Variants in OR5L2 observed in about 807,000 individuals in gnomAD.
OR5L2 encodes the protein olfactory receptor 5L2.
For missense variants in OR5L2, 425 were observed against 365.6 expected (o/e 1.16, Z -1.32); for synonymous variants, 175 against 151.6 (o/e 1.15, Z -1.13).
chr11:55,827,223 G>A lies in OR5L2; in HGVS notation c.5G>A (p.Gly2Asp), dbSNP rs2134473836. 1 of 1,611,374 alleles carries A rather than the reference G, an allele frequency of 6.2e-7. No individual in the cohort carries two copies. Among genetic ancestry groups the A allele is most frequent in the Non-Finnish European group, 8.5e-7 (1 of 1,178,592 alleles). Residue 2 changes from glycine (G) to aspartate (D), a missense_variant, in exon 1 of 1, where the codon GGC becomes GAC. By Grantham distance (94) the Gly-to-Asp change is moderately conservative. Coordinates refer to ENST00000378397, the MANE Select transcript of OR5L2 (RefSeq NM_001004739.1). ...AATCCTGCATAAATTGGAGACATGG[G>A]CAAGGAAAACTGCACCACTGTGGCT... Reference protein sequence around the residue: MGKENCTTVAEF... With the variant: MDKENCTTVAEF...
In OR5L2 at chr11:55,827,728, A is replaced by G. The variant is rs780790032; in HGVS notation, c.510A>G (p.Arg170=). The G allele has an allele frequency of 3.1e-6, 5 of 1,613,696 alleles. No homozygotes were observed. In the South Asian group the frequency reaches 5.5e-5, roughly 18 times the overall value. The change falls in exon 1 of 1, where the codon AGA becomes AGG. Residue 170 remains arginine (R), a synonymous_variant. Coordinates refer to ENST00000378397, the MANE Select transcript of OR5L2 (RefSeq NM_001004739.1). ...SSLALRILFY[R]SNVINHFFCD... ...TAGCTCTTAGGATCCTCTTCTATAGATCTAATGTGATTAACCACTTCTTCT... is the reference window on the plus strand; with the variant it reads ...TAGCTCTTAGGATCCTCTTCTATAGGTCTAATGTGATTAACCACTTCTTCT...
rs777644636 is a variant in OR5L2 at position 55,827,927 on chromosome 11, G to A, written c.709G>A (p.Ala237Thr). 5 of 1,613,824 alleles carry A rather than the reference G, an allele frequency of 3.1e-6. No homozygotes were observed. In the Admixed American group the frequency reaches 5.0e-5, roughly 16 times the overall value. ...KIHSAESRHK[A>T]FSTCASHLTA... ...ACACTCTGCAGAGAGCAGGCACAAA[G>A]CTTTCTCCACCTGTGCCTCCCACCT... The change falls in exon 1 of 1, where the codon GCT becomes ACT. Residue 237 changes from alanine (A) to threonine (T), a missense_variant. Physicochemically the swap from Ala to Thr is moderately conservative, Grantham distance 58 (BLOSUM62 0). Coordinates refer to ENST00000378397, the MANE Select transcript of OR5L2 (RefSeq NM_001004739.1).
At position 55,827,339 on chromosome 11, in the gene OR5L2, G is replaced by C. The variant is rs370908731; in HGVS notation, c.121G>C (p.Ala41Pro). ...FLLIYGVTLL[A>P]NLGMTALIQV... ...TCTCATCTATGGAGTCACGTTGTTA[G>C]CCAATCTGGGCATGACTGCACTGAT... The change falls in exon 1 of 1, where the codon GCC (alanine) becomes CCC (proline). Residue 41 changes from alanine (A) to proline (P), a missense_variant. Transcript: ENST00000378397. 6.2e-7 allele frequency: 1 copy of C among 1,613,800 alleles called. No homozygotes were observed. Among genetic ancestry groups the C allele is most frequent in the African/African-American group, 1.3e-5 (1 of 74,754 alleles).
At position 55,827,677 on chromosome 11, in the gene OR5L2, G is replaced by T. The variant is rs747750167; in HGVS notation, c.459G>T (p.Thr153=). 6.2e-7 allele frequency: 1 copy of T among 1,613,700 alleles called. No individual in the cohort carries two copies. Among genetic ancestry groups the T allele is most frequent in the Admixed American group, 1.7e-5 (1 of 59,990 alleles). ...CCTCTTGCTGCTACTTCTGTGGGAC[G>T]GTGTGTTCTCTGATTCACTCGTCCT... The part of the protein sequence containing the change: ...ELTSCCYFCG[T]VCSLIHSSLA... The change falls in exon 1 of 1, where the codon ACG becomes ACT. Residue 153 remains threonine, a synonymous_variant. Coordinates refer to ENST00000378397, the MANE Select transcript of OR5L2 (RefSeq NM_001004739.1).
Position 55,827,489 on chromosome 11 carries a change from G to A in OR5L2, c.271G>A (p.Ala91Thr). 2 of 1,613,936 alleles carry A rather than the reference G, an allele frequency of 1.2e-6. No individual in the cohort carries two copies. The highest frequency in any genetic ancestry group is 1.3e-5 in the African/African-American group (1 of 74,836). ...MLANIFNKDK[A>T]ISFLGCMVQF... Reference sequence around the variant, plus strand: ...GGCTAATATCTTTAACAAGGACAAAGCCATCTCCTTCCTAGGGTGCATGGT... The same window carrying A: ...GGCTAATATCTTTAACAAGGACAAAACCATCTCCTTCCTAGGGTGCATGGT... Residue 91 changes from alanine (A) to threonine (T), a missense_variant, in exon 1 of 1, where the codon GCC becomes ACC. Physicochemically the swap from Ala to Thr is moderately conservative, Grantham distance 58 (BLOSUM62 0). Transcript: ENST00000378397.
rs1853907752 is a variant in OR5L2 at position 55,827,689 on chromosome 11, G to A, written c.471G>A (p.Leu157=). ...CCYFCGTVCS[L]IHSSLALRIL... Reference sequence around the variant, plus strand: ...ACTTCTGTGGGACGGTGTGTTCTCTGATTCACTCGTCCTTAGCTCTTAGGA... The same window carrying A: ...ACTTCTGTGGGACGGTGTGTTCTCTAATTCACTCGTCCTTAGCTCTTAGGA... Residue 157 remains leucine, a synonymous_variant, in exon 1 of 1, where the codon CTG becomes CTA. Coordinates refer to ENST00000378397, the MANE Select transcript of OR5L2 (RefSeq NM_001004739.1). 6.2e-7 allele frequency: 1 copy of A among 1,613,640 alleles called. No homozygotes were observed. The highest frequency in any genetic ancestry group is 1.7e-5 in the Admixed American group (1 of 59,964).
rs1486805019 is a variant in OR5L2 at position 55,827,722 on chromosome 11, C to T, written c.504C>T (p.Phe168=). Reference sequence around the variant, plus strand: ...CGTCCTTAGCTCTTAGGATCCTCTTCTATAGATCTAATGTGATTAACCACT... The same window carrying T: ...CGTCCTTAGCTCTTAGGATCCTCTTTTATAGATCTAATGTGATTAACCACT... ...IHSSLALRIL[F]YRSNVINHFF... Residue 168 remains phenylalanine (F), a synonymous_variant, in exon 1 of 1, where the codon TTC becomes TTT. Coordinates refer to ENST00000378397, the MANE Select transcript of OR5L2 (RefSeq NM_001004739.1). 1.9e-6 allele frequency: 3 copies of T among 1,613,698 alleles called. No homozygotes were observed. Among genetic ancestry groups the T allele is most frequent in the Non-Finnish European group, 2.5e-6 (3 of 1,180,014 alleles).
At position 55,827,833 on chromosome 11, in the gene OR5L2, G is replaced by T. The variant is rs1156667393; in HGVS notation, c.615G>T (p.Leu205Phe). 7 of 1,613,916 alleles carry T rather than the reference G, an allele frequency of 4.3e-6. No homozygotes were observed. Among genetic ancestry groups the T allele is most frequent in the South Asian group, 1.1e-5 (1 of 91,068 alleles). Residue 205 changes from leucine (L) to phenylalanine (F), a missense_variant, in exon 1 of 1, where the codon TTG becomes TTT. Coordinates refer to ENST00000378397, the MANE Select transcript of OR5L2 (RefSeq NM_001004739.1). ...NETLLFLVAT[L>F]NESVTIMIIL... ...CACTGCTGTTCCTGGTGGCCACTTT[G>T]AATGAGAGTGTTACCATCATGATCA...
Position 55,827,819 on chromosome 11 carries a change from C to T in OR5L2, c.601C>T (p.Leu201=). 1 of 1,613,920 alleles carries T rather than the reference C, an allele frequency of 6.2e-7. No individual in the cohort carries two copies. Among genetic ancestry groups the T allele is most frequent in the Non-Finnish European group, 8.5e-7 (1 of 1,179,988 alleles). ...DVTVNETLLF[L]VATLNESVTI... ...CACTGTGAATGAGACACTGCTGTTC[C>T]TGGTGGCCACTTTGAATGAGAGTGT... is the stretch of plus-strand genomic sequence containing the variant. The change falls in exon 1 of 1, where the codon CTG becomes TTG. Residue 201 remains leucine, a synonymous_variant. Coordinates refer to ENST00000378397, the MANE Select transcript of OR5L2 (RefSeq NM_001004739.1).
In OR5L2 at chr11:55,827,355, C is replaced by T. The variant is rs565006032; in HGVS notation, c.137C>T (p.Thr46Ile). ...ACGTTGTTAGCCAATCTGGGCATGA[C>T]TGCACTGATTCAGGTCAGCTCTCGG... The part of the protein sequence containing the change: ...GVTLLANLGM[T>I]ALIQVSSRLH... The change falls in exon 1 of 1, where the codon ACT (threonine) becomes ATT (isoleucine). Residue 46 changes from threonine to isoleucine, a missense_variant. Coordinates refer to ENST00000378397, the MANE Select transcript of OR5L2 (RefSeq NM_001004739.1). 649 of 1,613,932 alleles carry T rather than the reference C, an allele frequency of 4.0e-4. 7 individuals are homozygous for T. The South Asian group carries it at 5.6e-3, about 14-fold the overall frequency.
At position 55,828,132 on chromosome 11, in the gene OR5L2, TG is replaced by T. The variant is rs759559727; in HGVS notation, c.917del (p.Gly306AlafsTer?). On this transcript the variant is annotated frameshift_variant, in exon 1 of 1. Transcript: ENST00000378397. LOFTEE classifies it low-confidence loss of function (END_TRUNC). ...KDVNKALRKV[M>X]GSKIHS The stretch of plus-strand genomic sequence containing the variant: ...GTGAACAAAGCTCTCAGAAAAGTGA[TG>T]GGCTCCAAAATTCACTCCTAGGGAA... 8 of 1,608,076 alleles carry T rather than the reference TG, an allele frequency of 5.0e-6. No homozygotes were observed. Among genetic ancestry groups the T allele is most frequent in the South Asian group, 1.1e-5 (1 of 89,964 alleles).
In OR5L2 at chr11:55,827,959, C is replaced by T; in HGVS notation, c.741C>T (p.Ala247=). The T allele has an allele frequency of 1.2e-6, 2 of 1,613,836 alleles. No individual in the cohort carries two copies. Among genetic ancestry groups the T allele is most frequent in the Middle Eastern group, 1.7e-4 (1 of 6,060 alleles). The change falls in exon 1 of 1, where the codon GCC becomes GCT. Residue 247 remains alanine, a synonymous_variant. Coordinates refer to ENST00000378397, the MANE Select transcript of OR5L2 (RefSeq NM_001004739.1). ...CCACCTGTGCCTCCCACCTCACAGC[C>T]ATCACTGTCTCCCATGGAACAATCC... ...AFSTCASHLT[A]ITVSHGTILY...
In OR5L2 at chr11:55,827,730, C is replaced by G. The variant is rs1853908426; in HGVS notation, c.512C>G (p.Ser171Cys). Residue 171 changes from serine (S) to cysteine (C), a missense_variant, in exon 1 of 1, where the codon TCT becomes TGT. Physicochemically the swap from Ser to Cys is moderately radical, Grantham distance 112 (BLOSUM62 -1). Coordinates refer to ENST00000378397, the MANE Select transcript of OR5L2 (RefSeq NM_001004739.1). The part of the protein sequence containing the change: ...SLALRILFYR[S>C]NVINHFFCDL... ...GCTCTTAGGATCCTCTTCTATAGAT[C>G]TAATGTGATTAACCACTTCTTCTGT... The G allele has an allele frequency of 6.2e-7, 1 of 1,613,840 alleles. No homozygotes were observed. Among genetic ancestry groups the G allele is most frequent in the Non-Finnish European group, 8.5e-7 (1 of 1,179,974 alleles).
chr11:55,827,416 G>T lies in OR5L2; in HGVS notation c.198G>T (p.Leu66Phe), dbSNP rs548957440. 1.2e-6 allele frequency: 2 copies of T among 1,613,986 alleles called. No individual in the cohort carries two copies. The highest frequency in any genetic ancestry group is 1.7e-6 in the Non-Finnish European group (2 of 1,179,996). The change falls in exon 1 of 1, where the codon TTG becomes TTT. Residue 66 changes from leucine (L) to phenylalanine (F), a missense_variant. Physicochemically the swap from Leu to Phe is conservative, Grantham distance 22. Coordinates refer to ENST00000378397, the MANE Select transcript of OR5L2 (RefSeq NM_001004739.1). ...HTPVYFFLSH[L>F]SFVDFCYSSI... ...CCGTGTACTTTTTCCTCAGCCACTT[G>T]TCCTTTGTAGATTTCTGCTACTCCT...
In OR5L2 at chr11:55,827,695, C is replaced by G. The variant is rs1269835068; in HGVS notation, c.477C>G (p.His159Gln). The G allele has an allele frequency of 6.2e-7, 1 of 1,613,786 alleles. No individual in the cohort carries two copies. Among genetic ancestry groups the G allele is most frequent in the Admixed American group, 1.7e-5 (1 of 59,992 alleles). Residue 159 changes from histidine to glutamine, a missense_variant, in exon 1 of 1, where the codon CAC (histidine) becomes CAG (glutamine). By Grantham distance (24) the His-to-Gln change is conservative. Transcript: ENST00000378397. Reference protein sequence around the residue: ...YFCGTVCSLIHSSLALRILFY... With the variant: ...YFCGTVCSLIQSSLALRILFY... ...GTGGGACGGTGTGTTCTCTGATTCA[C>G]TCGTCCTTAGCTCTTAGGATCCTCT...
chr11:55,828,142 A>G lies in OR5L2; in HGVS notation c.924A>G (p.Lys308=), dbSNP rs759142207. ...CTCTCAGAAAAGTGATGGGCTCCAA[A>G]ATTCACTCCTAGGGAAGATTTTATT... is the stretch of plus-strand genomic sequence containing the variant. ...NKALRKVMGS[K]IHS The change falls in exon 1 of 1, where the codon AAA becomes AAG. Residue 308 remains lysine, a synonymous_variant. Coordinates refer to ENST00000378397, the MANE Select transcript of OR5L2 (RefSeq NM_001004739.1). 1 of 1,603,296 alleles carries G rather than the reference A, an allele frequency of 6.2e-7. No individual in the cohort carries two copies.
rs1488732077 is a variant in OR5L2, at chr11:55,827,254, C to G, written c.36C>G (p.Phe12Leu). The G allele has an allele frequency of 6.2e-7, 1 of 1,613,726 alleles. No individual in the cohort carries two copies. The change falls in exon 1 of 1, where the codon TTC (phenylalanine) becomes TTG (leucine). Residue 12 changes from phenylalanine (F) to leucine (L), a missense_variant. Physicochemically the swap from Phe to Leu is conservative, Grantham distance 22 (BLOSUM62 0). Transcript: ENST00000378397. ...GKENCTTVAE[F>L]ILLGLSDVPE... ...AAAACTGCACCACTGTGGCTGAGTT[C>G]ATTCTCCTTGGACTATCAGATGTCC...
chr11:55,827,393 G>A lies in OR5L2; in HGVS notation c.175G>A (p.Val59Met), dbSNP rs56711116. 137,326 of 1,613,638 alleles carry A rather than the reference G, an allele frequency of 0.085. 6,463 individuals carry two copies. Among genetic ancestry groups the A allele is most frequent in the African/African-American group, 0.17 (12,573 of 74,792 alleles). ...IQVSSRLHTP[V>M]YFFLSHLSFV... ...GGTCAGCTCTCGGCTCCACACCCCC[G>A]TGTACTTTTTCCTCAGCCACTTGTC... The change falls in exon 1 of 1, where the codon GTG becomes ATG. Residue 59 changes from valine to methionine, a missense_variant. Val to Met is a conservative substitution (Grantham distance 21). Transcript: ENST00000378397.
rs1853900957 is a variant in OR5L2, at chr11:55,827,370, T to G, written c.152T>G (p.Val51Gly). The G allele has an allele frequency of 6.2e-7, 1 of 1,613,888 alleles. No individual in the cohort carries two copies. Among genetic ancestry groups the G allele is most frequent in the Non-Finnish European group, 8.5e-7 (1 of 1,180,014 alleles). ...CTGGGCATGACTGCACTGATTCAGG[T>G]CAGCTCTCGGCTCCACACCCCCGTG... is the stretch of plus-strand genomic sequence containing the variant. ...ANLGMTALIQ[V>G]SSRLHTPVYF... is the part of the protein sequence containing the mutation. The change falls in exon 1 of 1, where the codon GTC (valine) becomes GGC (glycine). Residue 51 changes from valine to glycine, a missense_variant. Val to Gly is a moderately radical substitution (Grantham distance 109). Transcript: ENST00000378397.
Sources: allele counts gnomAD v4.1 joint callset, GRCh38; gene constraint gnomAD v4.1.1; transcripts MANE v1.5; gene names NCBI Gene and HGNC (gene_info 2026-07-23, HGNC 2026-07-21).